Variants in CD163L1 observed in about 807,000 individuals in gnomAD.
The protein encoded by CD163L1 is scavenger receptor cysteine-rich type 1 protein M160.
Under a neutral mutation model 165.4 loss-of-function variants are expected in CD163L1, and 124 were observed. That is an observed-to-expected ratio of 0.75 (90% CI 0.65 to 0.87). CD163L1 has a LOEUF of 0.87. CD163L1 is among the 40% of genes least tolerant of loss of function. The pLI, the probability that CD163L1 is intolerant of heterozygous loss-of-function variation, is 0.00. For missense variants in CD163L1, 1,525 were observed against 1,799.9 expected, an observed-to-expected ratio of 0.85 and a Z score of 2.76; for synonymous variants, 585 against 662.2, an observed-to-expected ratio of 0.88 and a Z score of 1.79.
intron 1 of CD163L1, among the ~76,000 whole-genome samples, chr12:7,442,707 A>G (rs2136658787): frequency 6.6e-6 from 1 of 152,304 alleles, no homozygotes; most frequent in African/African-American, 2.4e-5. Context: ...GTTCCTAATA[A>G]GAATATTTAG....
the CD163L1 span, among the ~76,000 whole-genome samples, chr12:7,321,159 T>TTTCCAGGGACAACCAGGG: frequency 6.6e-6 from 1 of 152,174 alleles, no homozygotes; most frequent in East Asian, 1.9e-4. Flanking sequence ...CAGACCTCTG[T>TTTCCAGGGACAACCAGGG]AGTCCCAGAA....
chr12:7,339,428 C>G, the CD163L1 span, among the ~76,000 whole-genome samples: 1 of 152,120 alleles, frequency 6.6e-6, no homozygotes, highest in Non-Finnish European at 1.5e-5. Context: ...CTGCATAACA[C>G]TGTGCATAAG....
At position 7,374,792 on chromosome 12, in the gene CD163L1, T is replaced by C. The variant is rs1947228102; in HGVS notation, c.3095-36A>G. ...AAAGTCCAGTTAATAGGTCACATTCTTTAGAGTTGCAGTGTTTCCTAAAAC... is the reference window on the plus strand; with the variant it reads ...AAAGTCCAGTTAATAGGTCACATTCCTTAGAGTTGCAGTGTTTCCTAAAAC... On this transcript the variant is annotated intron_variant, in intron 12 of 19. Transcript: ENST00000313599. This position sits in a 1 kb window ranked among gnomAD's most constrained non-coding sequence, Gnocchi z 5.4. The C allele has an allele frequency of 1.2e-6, 2 of 1,614,104 alleles. No individual in the cohort carries two copies. Among genetic ancestry groups the C allele is most frequent in the Non-Finnish European group, 1.7e-6 (2 of 1,179,966 alleles).
intron 2 of CD163L1, chr12:7,438,729 T>C: frequency 1.0e-6 from 1 of 986,868 alleles, no homozygotes; most frequent in Non-Finnish European, 1.5e-6. Flanking sequence ...GCTTGTGAAA[T>C]GTCTTGGCCA....
intron 4 of CD163L1, among the ~76,000 whole-genome samples, chr12:7,415,251 T>C (rs892659423): frequency 6.6e-6 from 1 of 152,058 alleles, no homozygotes; most frequent in Non-Finnish European, 1.5e-5. Context: ...AACTTAAAAA[T>C]AGTTATAACT....
At chr12:7,416,430 C>T (rs1483483861) in intron 4 of CD163L1, among the ~76,000 whole-genome samples, 1 of 152,074 alleles carries the variant, frequency 6.6e-6, no homozygotes, top group Non-Finnish European at 1.5e-5. Context: ...TAATTAGATC[C>T]CATTTGTCAA....
chr12:7,347,867 T>C lies in CD163L1; in HGVS notation c.*25-720A>G, dbSNP rs767184454. ...AATTGCCATTCCCTTGATAAAATAATAACAAATATAAAATTAAAAACTGGT... is the reference window on the plus strand; with the variant it reads ...AATTGCCATTCCCTTGATAAAATAACAACAAATATAAAATTAAAAACTGGT... On this transcript the variant is annotated intron_variant, in intron 4 of 4. Transcript: ENST00000539726. The surrounding 1 kb of genome is among the most constrained non-coding windows in gnomAD (Gnocchi z 4.2). Among the ~76,000 whole-genome samples the C allele has an allele frequency of 1.9e-4, 29 of 152,294 alleles. No individual in the cohort carries two copies. Among genetic ancestry groups the C allele is most frequent in the African/African-American group, 6.0e-4 (25 of 41,572 alleles).
chr12:7,400,440 C>A lies in CD163L1; in HGVS notation c.1409-1856G>T, dbSNP rs1039269529. Among the ~76,000 whole-genome samples the A allele has an allele frequency of 4.6e-5, 7 of 152,102 alleles. No individual in the cohort carries two copies. The highest frequency in any genetic ancestry group is 1.7e-4 in the African/African-American group (7 of 41,416). On this transcript the variant is annotated intron_variant, in intron 6 of 19. Coordinates refer to ENST00000313599, the MANE Select transcript of CD163L1 (RefSeq NM_174941.6). This position sits in a 1 kb window ranked among gnomAD's most constrained non-coding sequence, Gnocchi z 4.1. Reference sequence around the variant, plus strand: ...CAAATATATAAATGAAGTAGTGTATCCTGTTCTAGTATAGGATAACTGGAT... The same window carrying A: ...CAAATATATAAATGAAGTAGTGTATACTGTTCTAGTATAGGATAACTGGAT...
At position 7,438,744 on chromosome 12, in the gene CD163L1, A is replaced by G. The variant is rs1565820968; in HGVS notation, c.124+2410T>C. The G allele has an allele frequency of 1.8e-5, 22 of 1,212,134 alleles. 1 individual carries two copies. The South Asian group carries it at 3.0e-4, about 17-fold the overall frequency. The allele number at this position is 1,212,134 out of a possible 1,614,324, so 75.1% of individuals were successfully genotyped here. ...GCTTGTGAAATGTCTTGGCCACTCAACACGGGTTTTCTGCTGCCTCCCGTG... is the reference window on the plus strand; with the variant it reads ...GCTTGTGAAATGTCTTGGCCACTCAGCACGGGTTTTCTGCTGCCTCCCGTG... On this transcript the variant is annotated intron_variant, in intron 2 of 19. Coordinates refer to ENST00000313599, the MANE Select transcript of CD163L1 (RefSeq NM_174941.6).
chr12:7,410,051 T>C (rs1350708026), intron 4 of CD163L1, among the ~76,000 whole-genome samples: 1 of 151,782 alleles, frequency 6.6e-6, no homozygotes. Flanking sequence ...ATATAAAAAC[T>C]ATAAAAATAA....
chr12:7,342,491 C>T (rs1272316177), downstream of CD163L1, among the ~76,000 whole-genome samples: 1 of 152,208 alleles, frequency 6.6e-6, no homozygotes, highest in East Asian at 1.9e-4. Context: ...GTTCGAGGCT[C>T]TCAGCTCTGA....
the CD163L1 span, chr12:7,324,584 C>G: frequency 1.9e-6 from 3 of 1,613,962 alleles, no homozygotes; most frequent in Non-Finnish European, 2.5e-6. Context: ...TAGTCCAGAT[C>G]AAATCCGCGG....
chr12:7,322,505 G>A, the CD163L1 span: 2 of 1,613,756 alleles, frequency 1.2e-6, no homozygotes, highest in South Asian at 1.1e-5. Context: ...TGCAAACTGG[G>A]CTGGAGCTAT....
At chr12:7,399,026 C>T (rs1172412556) in intron 6 of CD163L1, among the ~76,000 whole-genome samples, 1 of 152,126 alleles carries the variant, frequency 6.6e-6, no homozygotes, top group Non-Finnish European at 1.5e-5. Flanking sequence ...TAAAGGGAGG[C>T]ATATGTATAT....
Position 7,432,372 on chromosome 12 carries a change from A to G in CD163L1, c.766+44T>C, listed in dbSNP as rs1948644256. On this transcript the variant is annotated intron_variant, in intron 4 of 19. Transcript: ENST00000313599. This position sits in a 1 kb window ranked among gnomAD's most constrained non-coding sequence, Gnocchi z 4.2. ...TTTTCTTTCCATACATACTGTTTCT[A>G]AACAAATTGTTCCTTTCTTCTACAT... The G allele has an allele frequency of 3.5e-6, 5 of 1,439,320 alleles. No individual in the cohort carries two copies. Among genetic ancestry groups the G allele is most frequent in the Non-Finnish European group, 3.8e-6 (4 of 1,042,524 alleles). The allele number at this position is 1,439,320 out of a possible 1,614,324, so 89.2% of individuals were successfully genotyped here. A position where few individuals can be genotyped will look rare whatever the true frequency, so the allele number is the denominator to read the frequency against.
At chr12:7,326,103 A>G in the CD163L1 span, among the ~76,000 whole-genome samples, 2 of 152,362 alleles carry the variant, frequency 1.3e-5, no homozygotes, top group East Asian at 3.9e-4. Flanking sequence ...GTAATTGTCT[A>G]ACTGGTGGGT....
rs1235563817 is a variant in CD163L1 at position 7,432,620 on chromosome 12, T to C, written c.562A>G (p.Thr188Ala). Reference protein sequence around the residue: ...TICDDGWNLNTAAVVCRQLGC... With the variant: ...TICDDGWNLNAAAVVCRQLGC... ...AGTTGCCTGCACACCACGGCAGCAGTATTCAAGTTCCACCCATCATCACAT... is the reference window on the plus strand; with the variant it reads ...AGTTGCCTGCACACCACGGCAGCAGCATTCAAGTTCCACCCATCATCACAT... The change falls in exon 4 of 20, where the codon ACT becomes GCT. Residue 188 changes from threonine (T) to alanine (A), a missense_variant. Physicochemically the swap from Thr to Ala is moderately conservative, Grantham distance 58. Transcript: ENST00000313599. The surrounding 1 kb of genome is among the most constrained non-coding windows in gnomAD (Gnocchi z 4.2). 5 of 1,614,140 alleles carry C rather than the reference T, an allele frequency of 3.1e-6. No individual in the cohort carries two copies. Among genetic ancestry groups the C allele is most frequent in the African/African-American group, 2.7e-5 (2 of 75,020 alleles).
the CD163L1 span, among the ~76,000 whole-genome samples, chr12:7,333,287 T>G: frequency 6.6e-6 from 1 of 152,140 alleles, no homozygotes; most frequent in African/African-American, 2.4e-5. Flanking sequence ...TATAACAAAC[T>G]GTCTCTCAGA....
At chr12:7,416,752 C>A (rs933954623) in intron 4 of CD163L1, among the ~76,000 whole-genome samples, 8 of 151,874 alleles carry the variant, frequency 5.3e-5, no homozygotes, top group Non-Finnish European at 1.0e-4. Flanking sequence ...ATTTCTGAGG[C>A]CTGTGTTCTG....
Sources: gnomAD v4.1 joint callset for allele counts (sites outside exome capture counted in the v4.1 genomes callset) on GRCh38, gnomAD v4.1.1 for gene constraint, Gnocchi (gnomAD v3.1) non-coding constraint, MANE v1.5 for transcripts, NCBI Gene and HGNC (gene_info 2026-07-23, HGNC 2026-07-21) for gene names.